IARS1: variants seen among roughly 807,000 people sequenced by gnomAD.
IARS1 encodes isoleucine--tRNA ligase, cytoplasmic.
In IARS1, 124 loss-of-function variants were observed where a neutral mutation model predicts 168.2. The observed-to-expected ratio is 0.74, with a 90% CI of 0.64 to 0.86. IARS1 has a LOEUF of 0.86. Among genes scored for constraint, IARS1 ranks in the 40% least tolerant of loss-of-function variants. IARS1 has a pLI of 0.00. For missense variants in IARS1, 1,452 were observed against 1,515.8 expected, an observed-to-expected ratio of 0.96 and a Z score of 0.70; for synonymous variants, 532 against 529.4, an observed-to-expected ratio of 1.00 and a Z score of -0.07.
chr9:92,242,973 A>G (rs1828653379), intron 28 of IARS1: 3 of 412,406 alleles, frequency 7.3e-6, no homozygotes, highest in South Asian at 6.5e-5. Context: ...TAGAAGCCCA[A>G]CGGAGCTAAA....
Position 92,236,776 on chromosome 9 carries a change from G to T in IARS1, c.3283+4080C>A, listed in dbSNP as rs149972515. Among the ~76,000 whole-genome samples, 471 of 152,368 alleles carry T rather than the reference G, an allele frequency of 3.1e-3. 2 individuals are homozygous for T. The highest frequency in any genetic ancestry group is 0.011 in the African/African-American group (443 of 41,598). On this transcript the variant is annotated intron_variant, in intron 30 of 33. Coordinates refer to ENST00000443024, the MANE Select transcript of IARS1 (RefSeq NM_002161.6). ...AGGCATGAGAATCACTTGAACCCAGGAGGTGGAGGTTGCAGTGAGCTGAGT... is the reference window on the plus strand; with the variant it reads ...AGGCATGAGAATCACTTGAACCCAGTAGGTGGAGGTTGCAGTGAGCTGAGT...
chr9:92,230,134 G>A (rs1403415009), intron 30 of IARS1, among the ~76,000 whole-genome samples: 1 of 149,586 alleles, frequency 6.7e-6, no homozygotes, highest in Non-Finnish European at 1.5e-5. Flanking sequence ...TTTTTGAGAT[G>A]GAGTTTAGCT....
chr9:92,282,856 A>T (rs1227330752), intron 6 of IARS1, among the ~76,000 whole-genome samples: 28 of 142,142 alleles, frequency 2.0e-4, no homozygotes, highest in African/African-American at 4.4e-4. Flanking sequence ...ATATATATAT[A>T]TATATTTTTT....
At chr9:92,277,963 T>C in intron 8 of IARS1, 40 bp from the exon 9 acceptor site, 3 of 1,578,862 alleles carry the variant, frequency 1.9e-6, no homozygotes, top group Non-Finnish European at 2.6e-6. Context: ...TAGATTAAAA[T>C]CAAATATGAG....
intron 1 of IARS1, among the ~76,000 whole-genome samples, chr9:92,290,487 G>A (rs1047860111): frequency 6.6e-6 from 1 of 151,956 alleles, no homozygotes; most frequent in Non-Finnish European, 1.5e-5. Flanking sequence ...CCTGTTCTGT[G>A]GGCCGTCTTT....
At chr9:92,240,373 C>G in intron 30 of IARS1, 1 of 324,054 alleles carries the variant, frequency 3.1e-6, no homozygotes. Flanking sequence ...AAGAAATTCT[C>G]ATGCCTCAGC....
rs1831757029 is a variant in IARS1, at chr9:92,263,050, T to C, written c.1706A>G (p.Tyr569Cys). ...EGIDQTRGWF[Y>C]TLLVLATALF... ...GGCCGTGGCCAGCACCAGCAGGGTA[T>C]AAAACCTGAAAAAAAACCCCAAACA... Residue 569 changes from tyrosine to cysteine, a missense_variant, in exon 17 of 34, where the codon TAT becomes TGT. Coordinates refer to ENST00000443024, the MANE Select transcript of IARS1 (RefSeq NM_002161.6). 1 of 1,613,044 alleles carries C rather than the reference T, an allele frequency of 6.2e-7. No individual in the cohort carries two copies. Among genetic ancestry groups the C allele is most frequent in the Non-Finnish European group, 8.5e-7 (1 of 1,179,170 alleles).
At chr9:92,272,864 C>CAAAAAAAAAAAAAAAAA (rs869076663) in intron 10 of IARS1, among the ~76,000 whole-genome samples, 7 of 57,048 alleles carry the variant, frequency 1.2e-4, no homozygotes, top group East Asian at 4.3e-4. Context: ...CAAAACAAAA[C>CAAAAAAAAAAAAAAAAA]AAAAAAAAAA....
intron 27 of IARS1, 38 bp downstream of exon 27, chr9:92,244,921 C>T: frequency 6.6e-7 from 1 of 1,511,724 alleles, no homozygotes; most frequent in Non-Finnish European, 9.2e-7. Flanking sequence ...ATGCTCTCAT[C>T]TCTTGGTAAA....
intron 30 of IARS1, among the ~76,000 whole-genome samples, chr9:92,230,163 T>C (rs1160004206): frequency 3.3e-5 from 5 of 152,254 alleles, no homozygotes; most frequent in Middle Eastern, 3.4e-3. Context: ...CAGGCTAGAA[T>C]GCAGTAGTGC....
intron 19 of IARS1, among the ~76,000 whole-genome samples, chr9:92,257,590 G>A (rs1587817486): frequency 6.6e-6 from 1 of 152,266 alleles, no homozygotes; most frequent in African/African-American, 2.4e-5. Flanking sequence ...TGGGGAAGAT[G>A]ACTGCCCTTC....
At chr9:92,277,654 G>A (rs1041147127) in intron 9 of IARS1, among the ~76,000 whole-genome samples, 1 of 147,012 alleles carries the variant, frequency 6.8e-6, no homozygotes, top group African/African-American at 2.6e-5. Flanking sequence ...CAGCCTGGGG[G>A]ACAGAGGAAA....
chr9:92,227,368 C>T (rs1454604456), intron 31 of IARS1, among the ~76,000 whole-genome samples: 1 of 151,232 alleles, frequency 6.6e-6, no homozygotes, highest in African/African-American at 2.4e-5. Context: ...CTCCTCACTT[C>T]CCAGTAGGGG....
chr9:92,278,194 T>A lies in IARS1; in HGVS notation c.833+5A>T. 6.4e-7 allele frequency: 1 copy of A among 1,552,720 alleles called. No homozygotes were observed. The highest frequency in any genetic ancestry group is 1.1e-5 in the South Asian group (1 of 89,820). On this transcript the variant is annotated splice_donor_5th_base_variant and intron_variant, in intron 8 of 33. Transcript: ENST00000443024. ...CAAACACAGAGCAACTATTTGAATA[T>A]TCACCTTTCAAGGATCTCATAGTCA...
rs775896187 is a variant in IARS1 at position 92,223,450 on chromosome 9, T to C, written c.3449A>G (p.Lys1150Arg). 1.7e-5 allele frequency: 28 copies of C among 1,614,050 alleles called. No homozygotes were observed. The highest frequency in any genetic ancestry group is 3.3e-5 in the South Asian group (3 of 91,074). ...CGATCCTGCAGTCACACAAAGTGTT[T>C]TTCCACTAAGACTCAGTAAGTCAGT... ...NQTDLLSLSG[K>R]TLCVTAGSAP... Residue 1150 changes from lysine (K) to arginine (R), a missense_variant, in exon 32 of 34, where the codon AAA (lysine) becomes AGA (arginine). By Grantham distance (26) the Lys-to-Arg change is conservative. Coordinates refer to ENST00000443024, the MANE Select transcript of IARS1 (RefSeq NM_002161.6).
chr9:92,237,693 T>C lies in IARS1; in HGVS notation c.3283+3163A>G, dbSNP rs77151948. On this transcript the variant is annotated intron_variant, in intron 30 of 33. Transcript: ENST00000443024. Reference sequence around the variant, plus strand: ...TTTTCTTTGTGTACTGACACTTCTATCATTATTTAATGCCCCTGGTAATTT... The same window carrying C: ...TTTTCTTTGTGTACTGACACTTCTACCATTATTTAATGCCCCTGGTAATTT... Among the ~76,000 whole-genome samples the C allele has an allele frequency of 5.7e-3, 874 of 152,350 alleles. 3 individuals are homozygous for C. Among genetic ancestry groups the C allele is most frequent in the Non-Finnish European group, 9.3e-3 (632 of 68,024 alleles).
chr9:92,244,082 A>G (rs1564167934), intron 27 of IARS1, among the ~76,000 whole-genome samples: 1 of 152,198 alleles, frequency 6.6e-6, no homozygotes, highest in Non-Finnish European at 1.5e-5. Flanking sequence ...AATTCCAGTC[A>G]GTGCAGGGCC....
At chr9:92,291,282 G>C (rs1381502705) in intron 1 of IARS1, among the ~76,000 whole-genome samples, 2 of 152,080 alleles carry the variant, frequency 1.3e-5, no homozygotes, top group Admixed American at 1.3e-4. Context: ...AAAATCTTAA[G>C]TACTCAAGAA....
intron 33 of IARS1, among the ~76,000 whole-genome samples, chr9:92,218,804 C>T (rs931143092): frequency 6.7e-6 from 1 of 149,648 alleles, no homozygotes; most frequent in Admixed American, 6.7e-5. Flanking sequence ...ATTCCATGCT[C>T]ATGGGTAGGA....
Sources: gnomAD v4.1 joint callset for allele counts (sites outside exome capture counted in the v4.1 genomes callset) on GRCh38, gnomAD v4.1.1 for gene constraint, MANE v1.5 for transcripts, NCBI Gene and HGNC (gene_info 2026-07-23, HGNC 2026-07-21) for gene names.